The following CALD1 variants were observed in gnomAD, a reference collection of about 807,000 sequenced individuals.
The protein encoded by CALD1 is caldesmon 1, also known as caldesmon.
In CALD1, 33 loss-of-function variants were observed where a neutral mutation model predicts 99.9. The observed-to-expected ratio is 0.33, with a 90% CI of 0.25 to 0.44. CALD1 has a LOEUF of 0.44. Ranked by LOEUF, CALD1 falls within the 20% of genes least tolerant of loss-of-function variation. The pLI is 1.00. For synonymous variants in CALD1, 310 were observed against 325.0 expected, an observed-to-expected ratio of 0.95 and a Z score of 0.50; for missense variants, 861 against 962.1, an observed-to-expected ratio of 0.89 and a Z score of 1.39.
chr7:134,716,253 T>C, the CALD1 span, among the ~76,000 whole-genome samples: 4 of 152,206 alleles, frequency 2.6e-5, no homozygotes, highest in Admixed American at 6.5e-5. Flanking sequence ...AGGGGTAGTT[T>C]TGTTAAACCA....
intron 3 of CALD1, among the ~76,000 whole-genome samples, chr7:134,919,295 C>A (rs1170782734): frequency 1.3e-5 from 2 of 152,154 alleles, no homozygotes; most frequent in African/African-American, 4.8e-5. Flanking sequence ...CCATACAGGA[C>A]CCACCAGACC....
intron 1 of CALD1, among the ~76,000 whole-genome samples, chr7:134,765,979 T>A (rs950963792): frequency 1.3e-5 from 2 of 151,976 alleles, no homozygotes; most frequent in African/African-American, 2.4e-5. Context: ...TCTCTCTCTC[T>A]CTAGCTAGCT....
chr7:134,883,984 C>G (rs1021502309), intron 3 of CALD1, among the ~76,000 whole-genome samples: 1 of 152,190 alleles, frequency 6.6e-6, no homozygotes, highest in Non-Finnish European at 1.5e-5. Context: ...TGCCTGTAAT[C>G]CCAGCTACCT....
intron 3 of CALD1, among the ~76,000 whole-genome samples, chr7:134,874,505 TA>T (rs1467897885): frequency 6.6e-6 from 1 of 152,214 alleles, no homozygotes; most frequent in Non-Finnish European, 1.5e-5. Context: ...GTGATGCTTT[TA>T]TCCATGAGAA....
At chr7:134,814,196 G>A (rs970747449) in intron 1 of CALD1, among the ~76,000 whole-genome samples, 7 of 152,282 alleles carry the variant, frequency 4.6e-5, no homozygotes, top group Admixed American at 1.3e-4. Flanking sequence ...TGATACAAAG[G>A]GTATGGAAGC....
intron 1 of CALD1, among the ~76,000 whole-genome samples, chr7:134,803,298 T>C (rs148005871): frequency 6.6e-6 from 1 of 152,172 alleles, no homozygotes; most frequent in African/African-American, 2.4e-5. Flanking sequence ...ATGTATTATA[T>C]TAATACATAT....
At chr7:134,873,222 C>CAA (rs71531836) in intron 3 of CALD1, among the ~76,000 whole-genome samples, 36,980 of 150,610 alleles carry the variant, frequency 0.25, 5,917 homozygotes, top group East Asian at 0.65. Flanking sequence ...ACCCAAAAAA[C>CAA]AAAAAAAAAC....
intron 1 of CALD1, among the ~76,000 whole-genome samples, chr7:134,824,710 A>G (rs1798918980): frequency 6.6e-6 from 1 of 152,224 alleles, no homozygotes; most frequent in Non-Finnish European, 1.5e-5. Context: ...CAATTGGCCT[A>G]CAATAAATGT....
chr7:134,965,580 A>C, intron 14 of CALD1, 194 bp downstream of exon 14: 10 of 491,428 alleles, frequency 2.0e-5, no homozygotes, highest in African/African-American at 2.0e-5. Flanking sequence ...ATACAACATA[A>C]ACGGCCCAAA....
At chr7:134,812,660 G>C (rs1798398365) in intron 1 of CALD1, among the ~76,000 whole-genome samples, 1 of 152,030 alleles carries the variant, frequency 6.6e-6, no homozygotes, top group Non-Finnish European at 1.5e-5. Flanking sequence ...ACCAAACTTA[G>C]GAAGAACATA....
Position 134,764,570 on chromosome 7 carries a change from TATTA to T in CALD1, c.-130+20216_-130+20219del, listed in dbSNP as rs201819198. On this transcript the variant is annotated intron_variant, in intron 1 of 13. Transcript: ENST00000417172. Reference sequence around the variant, plus strand: ...AGTTATTCATTAGCTATCACTCAACTATTAATTAATTAGTTGTTAATCTAGTTAG... The same window carrying T: ...AGTTATTCATTAGCTATCACTCAACTATTAATTAGTTGTTAATCTAGTTAG... 2.6e-3 allele frequency among the ~76,000 whole-genome samples: 403 copies of T among 152,222 alleles called. 1 individual carries two copies. The highest frequency in any genetic ancestry group is 0.012 in the East Asian group (64 of 5,176).
At chr7:134,901,594 G>A (rs1019877378) in intron 3 of CALD1, among the ~76,000 whole-genome samples, 3 of 151,976 alleles carry the variant, frequency 2.0e-5, no homozygotes, top group African/African-American at 4.8e-5. Flanking sequence ...ACTATGAGCC[G>A]GGTGTCTTAG....
intron 1 of CALD1, among the ~76,000 whole-genome samples, chr7:134,757,762 C>T (rs1796741976): frequency 6.6e-6 from 1 of 151,976 alleles, no homozygotes; most frequent in African/African-American, 2.4e-5. Context: ...GCCTGTGATC[C>T]CAGCTACTCG....
intron 1 of CALD1, among the ~76,000 whole-genome samples, chr7:134,829,527 G>A (rs1436472408): frequency 1.3e-5 from 2 of 152,146 alleles, no homozygotes; most frequent in East Asian, 3.9e-4. Flanking sequence ...TCTGGTCTCT[G>A]TGGCCAGTAA....
At chr7:134,735,563 CTCTGTGTGTGTGTGTGTGTG>C in the CALD1 span, among the ~76,000 whole-genome samples, 101 of 138,276 alleles carry the variant, frequency 7.3e-4, 1 homozygote, top group Admixed American at 1.2e-3. Context: ...CCCCACTACC[CTCTGTGTGTGTGTGTGTGTG>C]TGTGTGTGTG....
At chr7:134,722,417 A>ATTTATTTG in the CALD1 span, among the ~76,000 whole-genome samples, 4 of 147,900 alleles carry the variant, frequency 2.7e-5, no homozygotes, top group South Asian at 4.3e-4. Flanking sequence ...TTATTTATTT[A>ATTTATTTG]TTTGTTTGTT....
rs1291505875 is a variant in CALD1 at position 134,941,202 on chromosome 7, G to T, written c.1497G>T (p.Met499Ile). The T allele has an allele frequency of 6.2e-7, 1 of 1,612,550 alleles. No homozygotes were observed. Among genetic ancestry groups the T allele is most frequent in the Admixed American group, 1.7e-5 (1 of 59,750 alleles). Residue 499 changes from methionine (M) to isoleucine (I), a missense_variant, in exon 7 of 15, where the codon ATG becomes ATT. By Grantham distance (10) the Met-to-Ile change is conservative. Coordinates refer to ENST00000361675, the MANE Select transcript of CALD1 (RefSeq NM_033138.4). ...TTAAGTCGCAGAATGGAGAATTCAT[G>T]ACCCACAAACTTAAACATACTGAGA... ...TEVKSQNGEFMTHKLKHTENT... is the reference protein window; with the variant it reads ...TEVKSQNGEFITHKLKHTENT...
chr7:134,777,296 T>A (rs4732057), upstream of CALD1, among the ~76,000 whole-genome samples: 3 of 151,962 alleles, frequency 2.0e-5, no homozygotes, highest in Non-Finnish European at 2.9e-5. Flanking sequence ...CCATGATAAG[T>A]GTATTTCAAA....
At chr7:134,766,563 G>A (rs1035952079) in intron 1 of CALD1, among the ~76,000 whole-genome samples, 1 of 152,178 alleles carries the variant, frequency 6.6e-6, no homozygotes, top group African/African-American at 2.4e-5. Context: ...AATGTTTATT[G>A]TGTGTAAGTA....
Sources: gnomAD v4.1 joint callset for allele counts (sites outside exome capture counted in the v4.1 genomes callset) on GRCh38, gnomAD v4.1.1 for gene constraint, MANE v1.5 for transcripts, NCBI Gene and HGNC (gene_info 2026-07-23, HGNC 2026-07-21) for gene names.